The following DAB2IP variants were observed in gnomAD, a reference collection of about 807,000 sequenced individuals.
The protein encoded by DAB2IP is disabled homolog 2-interacting protein.
A neutral mutation model predicts 107.2 loss-of-function variants in DAB2IP; 28 were observed. The ratio of observed to expected loss-of-function variants is 0.26; its 90% CI spans 0.19 to 0.36. DAB2IP has a LOEUF of 0.36. Ranked by LOEUF, DAB2IP falls within the 10% of genes least tolerant of loss-of-function variation. The pLI is 1.00. For missense variants in DAB2IP, 1,400 were observed against 1,644.7 expected, an observed-to-expected ratio of 0.85 and a Z score of 2.57; for synonymous variants, 755 against 706.4, an observed-to-expected ratio of 1.07 and a Z score of -1.09.
intron 3 of DAB2IP, among the ~76,000 whole-genome samples, chr9:121,731,525 G>A (rs1831539390): frequency 6.6e-6 from 1 of 152,228 alleles, no homozygotes; most frequent in South Asian, 2.1e-4. Context: ...TTATAGAATT[G>A]CTGTCTGGTT....
intron 1 of DAB2IP, among the ~76,000 whole-genome samples, chr9:121,636,197 G>A (rs148934878): frequency 8.3e-4 from 126 of 152,104 alleles, no homozygotes; most frequent in Non-Finnish European, 1.6e-3. Context: ...CGTGAGCCAC[G>A]GTGCCCAGCC....
chr9:121,680,725 C>T (rs912569038), intron 2 of DAB2IP, among the ~76,000 whole-genome samples: 1 of 145,226 alleles, frequency 6.9e-6, no homozygotes, highest in African/African-American at 2.6e-5. Context: ...TCCTACATCC[C>T]TGATCTCTTT....
rs1564230990 is a variant in DAB2IP, at chr9:121,776,056, C to A, written c.3121-142C>A. ...CACCAGCTGGGCTCCTTGGGCATCT[C>A]CTTGCTATGTGAAGTGGGCGGGTCA... On this transcript the variant is annotated intron_variant, in intron 13 of 15. Transcript: ENST00000408936. The surrounding 1 kb of genome is among the most constrained non-coding windows in gnomAD (Gnocchi z 5.4). 4 of 988,190 alleles carry A rather than the reference C, an allele frequency of 4.0e-6. No individual in the cohort carries two copies. Among genetic ancestry groups the A allele is most frequent in the Non-Finnish European group, 5.8e-6 (4 of 685,424 alleles). The allele number at this position is 988,190 out of a possible 1,614,324, so 61.2% of individuals were successfully genotyped here.
At position 121,599,300 on chromosome 9, in the gene DAB2IP, G is replaced by A. The variant is rs375894257; in HGVS notation, c.40+32072G>A. 6.6e-6 allele frequency among the ~76,000 whole-genome samples: 1 copy of A among 152,098 alleles called. No individual in the cohort carries two copies. Among genetic ancestry groups the A allele is most frequent in the Non-Finnish European group, 1.5e-5 (1 of 67,966 alleles). ...AGGGGAGGGGGCGTGTGGTCCCGCC[G>A]GCATCTCGGGCCGGCACCAGGCTGG... On this transcript the variant is annotated intron_variant, in intron 1 of 16. Coordinates refer to the DAB2IP transcript ENST00000259371. This position sits in a 1 kb window ranked among gnomAD's most constrained non-coding sequence, Gnocchi z 6.9.
intron 2 of DAB2IP, among the ~76,000 whole-genome samples, chr9:121,692,342 G>A (rs1357736117): frequency 6.6e-6 from 1 of 152,094 alleles, no homozygotes; most frequent in Non-Finnish European, 1.5e-5. Context: ...GTGGCACTGG[G>A]GTACTTGTAT....
intron 3 of DAB2IP, among the ~76,000 whole-genome samples, chr9:121,704,697 C>G (rs1829970071): frequency 6.6e-6 from 1 of 152,188 alleles, no homozygotes; most frequent in Non-Finnish European, 1.5e-5. Flanking sequence ...TTCTTTCCAC[C>G]TTCCTCCCGT....
At position 121,758,898 on chromosome 9, in the gene DAB2IP, G is replaced by A. The variant is rs1032410166; in HGVS notation, c.517G>A (p.Val173Met). Residue 173 changes from valine to methionine, a missense_variant and splice_region_variant, in exon 5 of 16, where the codon GTG becomes ATG. Transcript: ENST00000408936. ...ACACTGTCTTGCCTGCTCCCCACAG[G>A]TGACGACGTCATCAGGAAGCAAGTG... The A allele has an allele frequency of 8.7e-6, 14 of 1,612,824 alleles. No individual in the cohort carries two copies. In the Admixed American group the frequency reaches 1.8e-4, roughly 21 times the overall value.
At chr9:121,584,629 G>A (rs547416995) in intron 1 of DAB2IP, among the ~76,000 whole-genome samples, 1 of 152,212 alleles carries the variant, frequency 6.6e-6, no homozygotes, top group South Asian at 2.1e-4. Context: ...AACATATGAC[G>A]GAATGATCAG....
At chr9:121,627,886 A>C (rs1025765368) in intron 1 of DAB2IP, among the ~76,000 whole-genome samples, 2 of 152,062 alleles carry the variant, frequency 1.3e-5, no homozygotes, top group African/African-American at 2.4e-5. Context: ...ATTCCACCTC[A>C]CTGTTTCTAT....
chr9:121,694,285 A>G (rs1829307037), intron 2 of DAB2IP, among the ~76,000 whole-genome samples: 1 of 152,078 alleles, frequency 6.6e-6, no homozygotes, highest in African/African-American at 2.4e-5. Flanking sequence ...TCAGCAGGTG[A>G]CTTAACTTCT....
At chr9:121,747,393 G>GCCGGA (rs1387547266) in intron 3 of DAB2IP, among the ~76,000 whole-genome samples, 1 of 149,768 alleles carries the variant, frequency 6.7e-6, no homozygotes, top group African/African-American at 2.5e-5. Context: ...TGTCGCCCAG[G>GCCGGA]CTGGAGTGCA....
chr9:121,749,086 C>T (rs1391230735), intron 3 of DAB2IP, among the ~76,000 whole-genome samples: 8 of 152,198 alleles, frequency 5.3e-5, no homozygotes, highest in Non-Finnish European at 1.2e-4. Context: ...AGGACAGGCT[C>T]TGTCTCCCCA....
intron 1 of DAB2IP, among the ~76,000 whole-genome samples, chr9:121,646,463 A>G (rs1206932802): frequency 6.6e-6 from 1 of 151,764 alleles, no homozygotes; most frequent in African/African-American, 2.4e-5. Flanking sequence ...GGCAGAGGCC[A>G]TGACCTTAAC....
chr9:121,708,332 A>T (rs1830161022), intron 3 of DAB2IP, among the ~76,000 whole-genome samples: 1 of 152,218 alleles, frequency 6.6e-6, no homozygotes, highest in Admixed American at 6.5e-5. Flanking sequence ...TCAAGATCCC[A>T]CCAGTAGCAT....
At chr9:121,572,688 C>A (rs914748228) in intron 1 of DAB2IP, among the ~76,000 whole-genome samples, 1 of 152,152 alleles carries the variant, frequency 6.6e-6, no homozygotes, top group African/African-American at 2.4e-5. Context: ...CCCTGCCCTG[C>A]CTGTTTTTCA....
At chr9:121,617,197 C>T (rs367926913) in intron 1 of DAB2IP, among the ~76,000 whole-genome samples, 1 of 152,026 alleles carries the variant, frequency 6.6e-6, no homozygotes, top group Non-Finnish European at 1.5e-5. Context: ...TGGTGGCACG[C>T]GCCTGTAATC....
intron 1 of DAB2IP, among the ~76,000 whole-genome samples, chr9:121,578,509 G>A (rs925867561): frequency 6.6e-6 from 1 of 151,770 alleles, no homozygotes; most frequent in Admixed American, 6.6e-5. Context: ...GCCCTTCCAA[G>A]CCCCGGGGGA....
intron 2 of DAB2IP, among the ~76,000 whole-genome samples, chr9:121,687,534 A>C (rs1828941107): frequency 6.6e-6 from 1 of 152,142 alleles, no homozygotes; most frequent in Non-Finnish European, 1.5e-5. Flanking sequence ...GCATTGTGGG[A>C]GAGGCAGGGT....
At chr9:121,783,382 CACACCCAGGGCACAGT>C in exon 16 of DAB2IP, 4 of 1,540,026 alleles carry the variant, frequency 2.6e-6, no homozygotes, top group Admixed American at 2.0e-5. Flanking sequence ...TGGGGCCCAG[CACACCCAGGGCACAGT>C]GGTCCTGTAG....
Sources: gnomAD v4.1 joint callset for allele counts (sites outside exome capture counted in the v4.1 genomes callset) on GRCh38, gnomAD v4.1.1 for gene constraint, Gnocchi (gnomAD v3.1) non-coding constraint, MANE v1.5 for transcripts, NCBI Gene and HGNC (gene_info 2026-07-23, HGNC 2026-07-21) for gene names.